ANO1: variants seen among roughly 807,000 people sequenced by gnomAD.
ANO1 encodes anoctamin-1.
ANO1 carries 59 observed loss-of-function variants against 124.0 expected under a neutral mutation model. That is an observed-to-expected ratio of 0.48 (90% confidence interval 0.39 to 0.59). The LOEUF is 0.59. Ranked by LOEUF, ANO1 falls within the 20% of genes least tolerant of loss-of-function variation. ANO1 has a pLI of 0.00. For synonymous variants in ANO1, 529 were observed against 532.0 expected (o/e 0.99, Z 0.08); for missense variants, 1,059 against 1,328.0 (o/e 0.80, Z 3.15).
chr11:70,077,954 G>A (rs950749787), upstream of ANO1, among the ~76,000 whole-genome samples: 1 of 152,108 alleles, frequency 6.6e-6, no homozygotes, highest in African/African-American at 2.4e-5. Flanking sequence ...GGAGGTGAGT[G>A]CTGAGTGACA....
Position 70,096,272 on chromosome 11 carries a change from G to A in ANO1, c.442-6794G>A, listed in dbSNP as rs140440686. Among the ~76,000 whole-genome samples, 405 of 152,286 alleles carry A rather than the reference G, an allele frequency of 2.7e-3. 2 individuals are homozygous for A. Among genetic ancestry groups the A allele is most frequent in the Middle Eastern group, 0.01 (3 of 294 alleles). On this transcript the variant is annotated intron_variant, in intron 2 of 25. Coordinates refer to ENST00000355303, the MANE Select transcript of ANO1 (RefSeq NM_018043.7). ...CTGAGGTGCCCAGGTCTTCACAGGCGCCATGGCTGTAGGGGCCAGAGCTTC... is the reference window on the plus strand; with the variant it reads ...CTGAGGTGCCCAGGTCTTCACAGGCACCATGGCTGTAGGGGCCAGAGCTTC...
At chr11:70,030,899 T>C (rs1856989136) in intron 1 of ANO1, among the ~76,000 whole-genome samples, 2 of 152,022 alleles carry the variant, frequency 1.3e-5, no homozygotes, top group South Asian at 4.2e-4. Context: ...TGACAAACTG[T>C]GGTTTTATGC....
chr11:70,095,407 AAAG>A (rs764074709), intron 2 of ANO1, among the ~76,000 whole-genome samples: 7,853 of 49,572 alleles, frequency 0.16, 967 homozygotes, highest in Non-Finnish European at 0.21. Context: ...AGAAAGAAAG[AAAG>A]AAAGAAAGAA....
chr11:70,129,579 A>G (rs1284847801), intron 10 of ANO1: 1 of 150,426 alleles, frequency 6.6e-6, no homozygotes, highest in South Asian at 2.1e-4. Context: ...TTCTTAACCT[A>G]TCCATCTTTT....
Position 70,078,705 on chromosome 11 carries a change from C to T in ANO1, c.99C>T (p.Ser33=). 1.3e-6 allele frequency: 2 copies of T among 1,484,036 alleles called. No individual in the cohort carries two copies. Among genetic ancestry groups the T allele is most frequent in the South Asian group, 1.2e-5 (1 of 84,566 alleles). 91.9% of individuals were successfully genotyped at this position (1,484,036 alleles called of 1,614,324 possible). Residue 33 remains serine, a synonymous_variant, in exon 1 of 26, where the codon TCC becomes TCT. Coordinates refer to ENST00000355303, the MANE Select transcript of ANO1 (RefSeq NM_018043.7). ...CAIEDIGYLP[S]EGTLLNSLSV... ...TCGAGGACATCGGCTACCTGCCGTC[C>T]GAGGGCACGGTGAGTGCGGGCGGCC...
At chr11:70,108,193 C>A in intron 5 of ANO1, 160 bp from the exon 6 acceptor site, 1 of 614,308 alleles carries the variant, frequency 1.6e-6, no homozygotes, top group East Asian at 2.8e-5. Context: ...GCTGGGTCAA[C>A]CCTCCCTGAA....
chr11:70,020,389 C>T (rs1856780200), intron 1 of ANO1, among the ~76,000 whole-genome samples: 1 of 152,180 alleles, frequency 6.6e-6, no homozygotes, highest in African/African-American at 2.4e-5. Context: ...GCACAGGACA[C>T]TTATGCCACC....
chr11:70,027,952 G>T (rs1459670942), intron 1 of ANO1, among the ~76,000 whole-genome samples: 3 of 152,128 alleles, frequency 2.0e-5, no homozygotes, highest in Non-Finnish European at 4.4e-5. Context: ...CTGGGTTTTG[G>T]GTCTCTGTGG....
chr11:69,983,972 A>C (rs1855980667), upstream of ANO1, among the ~76,000 whole-genome samples: 2 of 152,194 alleles, frequency 1.3e-5, no homozygotes, highest in South Asian at 4.1e-4. Flanking sequence ...TCCCTGCCCC[A>C]AAAAGGTAAA....
At chr11:70,101,176 T>C (rs1213707617) in intron 2 of ANO1, among the ~76,000 whole-genome samples, 1 of 151,992 alleles carries the variant, frequency 6.6e-6, no homozygotes, top group Non-Finnish European at 1.5e-5. Context: ...CCTTTAACTC[T>C]CTCTGCTGGA....
In ANO1 at chr11:70,155,474, C is replaced by G. The variant is rs115410269; in HGVS notation, c.1426-437C>G. ...GCTGCTCTGCGGTTTTGATTTCCCT[C>G]CAGCTATGGCACTGAATTCATTTAT... On this transcript the variant is annotated intron_variant, in intron 14 of 25. Coordinates refer to ENST00000355303, the MANE Select transcript of ANO1 (RefSeq NM_018043.7). Among the ~76,000 whole-genome samples the G allele has an allele frequency of 7.2e-3, 1,100 of 152,322 alleles. 13 individuals carry two copies. Among genetic ancestry groups the G allele is most frequent in the African/African-American group, 0.026 (1,063 of 41,570 alleles).
At chr11:69,985,025 C>T (rs1856008156), upstream of ANO1, among the ~76,000 whole-genome samples, 1 of 152,174 alleles carries the variant, frequency 6.6e-6, no homozygotes, top group Non-Finnish European at 1.5e-5. Flanking sequence ...GCCCGCCCTC[C>T]GTAGGGCCCA....
rs537712672 is a variant in ANO1, at chr11:70,176,603, G to A, written c.2351-3401G>A. Reference sequence around the variant, plus strand: ...GAGAATAGACTGTAAATGTTTATCAGACTCAAGGTCTGTGTTGATGTTCAT... The same window carrying A: ...GAGAATAGACTGTAAATGTTTATCAAACTCAAGGTCTGTGTTGATGTTCAT... On this transcript the variant is annotated intron_variant, in intron 22 of 25. Transcript: ENST00000355303. Among the ~76,000 whole-genome samples the A allele has an allele frequency of 5.9e-5, 9 of 152,230 alleles. No homozygotes were observed. In the South Asian group the frequency reaches 1.2e-3, roughly 21 times the overall value.
intron 1 of ANO1, among the ~76,000 whole-genome samples, chr11:70,002,636 T>C (rs1554999521): frequency 6.6e-6 from 1 of 152,200 alleles, no homozygotes; most frequent in African/African-American, 2.4e-5. Context: ...GTTCACACTA[T>C]GATGAAAACA....
rs189406837 is a variant in ANO1, at chr11:70,013,717, G to T, written c.58+27551G>T. On this transcript the variant is annotated intron_variant, in intron 1 of 27. Coordinates refer to the ANO1 transcript ENST00000531349. ...CTCAGGAGGCTGAGGCAGGAGAATC[G>T]TCCAAACTCGGGAAGCGGAGGTTGC... Among the ~76,000 whole-genome samples the T allele has an allele frequency of 7.3e-5, 11 of 151,276 alleles. No individual in the cohort carries two copies. The East Asian group carries it at 2.1e-3, about 29-fold the overall frequency.
At chr11:70,089,793 G>C (rs187346966) in intron 2 of ANO1, among the ~76,000 whole-genome samples, 1 of 152,184 alleles carries the variant, frequency 6.6e-6, no homozygotes, top group Non-Finnish European at 1.5e-5. Flanking sequence ...GTTTTCGCAC[G>C]GTCCTGCCCT....
intron 8 of ANO1, among the ~76,000 whole-genome samples, chr11:70,120,059 C>T (rs1453566842): frequency 6.6e-6 from 1 of 152,142 alleles, no homozygotes; most frequent in Non-Finnish European, 1.5e-5. Flanking sequence ...GACTCCATGG[C>T]TTCTCCATTA....
chr11:70,012,684 C>A (rs1856621491), intron 1 of ANO1, among the ~76,000 whole-genome samples: 2 of 151,398 alleles, frequency 1.3e-5, no homozygotes, highest in Admixed American at 1.3e-4. Context: ...TCTATCCGTC[C>A]TTTCCTTCAT....
the ANO1 span, among the ~76,000 whole-genome samples, chr11:69,976,888 G>C: frequency 6.6e-6 from 1 of 152,206 alleles, no homozygotes; most frequent in Non-Finnish European, 1.5e-5. Flanking sequence ...GGTCAGGCCT[G>C]GTGTTTGCCG....
Sources: allele counts gnomAD v4.1 joint callset (sites outside exome capture counted in the v4.1 genomes callset), GRCh38; gene constraint gnomAD v4.1.1; transcripts MANE v1.5; gene names NCBI Gene and HGNC (gene_info 2026-07-23, HGNC 2026-07-21).